The following SIDT1 variants were observed in gnomAD, a reference collection of about 807,000 sequenced individuals.
The protein encoded by SIDT1 is SID1 transmembrane family, member 1.
Under a neutral mutation model 107.5 loss-of-function variants are expected in SIDT1, and 101 were observed. The observed-to-expected ratio is 0.94, with a 90% CI of 0.80 to 1.11. The LOEUF (loss-of-function observed/expected upper bound fraction) is 1.11. Among genes scored for constraint, SIDT1 ranks in the 50% least tolerant of loss-of-function variants. The probability of loss-of-function intolerance (pLI) is 0.00; values close to 1 mark genes in which losing one functional copy is unlikely to be tolerated. For missense variants in SIDT1, 1,076 were observed against 1,058.2 expected (o/e 1.02, Z -0.23); for synonymous variants, 395 against 398.2 (o/e 0.99, Z 0.10).
chr3:113,622,400 G>T (rs553572995), intron 21 of SIDT1, among the ~76,000 whole-genome samples: 1 of 146,112 alleles, frequency 6.8e-6, no homozygotes, highest in East Asian at 2.1e-4. Context: ...AGGGGTGGAG[G>T]TTGCAGTGAG....
Position 113,628,011 on chromosome 3 carries a change from T to C in SIDT1, c.*303T>C, listed in dbSNP as rs1946964838. The C allele has an allele frequency of 2.6e-6, 1 of 380,980 alleles. No individual in the cohort carries two copies. Among genetic ancestry groups the C allele is most frequent in the Admixed American group, 4.2e-5 (1 of 23,778 alleles). 23.6% of individuals were successfully genotyped at this position (380,980 alleles called of 1,614,324 possible). ...ACTGCATCCAAGTCAACTCACCATC[T>C]TGGGGTCCCTCCCACCCTCACGGAG... On this transcript the variant is annotated 3_prime_UTR_variant, in exon 25 of 25. Transcript: ENST00000264852.
chr3:113,601,212 A>G (rs7625916), intron 10 of SIDT1: 33,320 of 163,858 alleles, frequency 0.2, 3,511 homozygotes, highest in Non-Finnish European at 0.21. Flanking sequence ...CTAAAAACCT[A>G]CAAAGCTGGC....
intron 6 of SIDT1, 102 bp from the exon 7 acceptor site, chr3:113,583,307 T>C: frequency 2.5e-6 from 2 of 785,884 alleles, no homozygotes; most frequent in East Asian, 5.2e-5. Flanking sequence ...GTGAACTTTA[T>C]TTTCCTTCTC....
chr3:113,584,665 T>A, intron 7 of SIDT1, 33 bp from the exon 8 acceptor site: 1 of 1,474,062 alleles, frequency 6.8e-7, no homozygotes, highest in Non-Finnish European at 9.3e-7. Context: ...TGATTCAATG[T>A]GCTTTGTTCT....
In SIDT1 at chr3:113,533,166, G is replaced by T. The variant is rs749636963; in HGVS notation, c.145G>T (p.Asp49Tyr). The T allele has an allele frequency of 1.1e-5, 17 of 1,578,710 alleles. No homozygotes were observed. Among genetic ancestry groups the T allele is most frequent in the Non-Finnish European group, 1.4e-5 (16 of 1,163,850 alleles). The change falls in exon 1 of 25, where the codon GAT (aspartate) becomes TAT (tyrosine). Residue 49 changes from aspartate (D) to tyrosine (Y), a missense_variant. By Grantham distance (160) the Asp-to-Tyr change is radical (BLOSUM62 -3). Coordinates refer to ENST00000264852, the MANE Select transcript of SIDT1 (RefSeq NM_017699.3). ...PFDAARGADF[D>Y]HVYSGVVNLS... ...CGACGCTGCCAGGGGCGCCGATTTC[G>T]ATCATGTCTACAGCGGGGTGGTGAA...
intron 10 of SIDT1, among the ~76,000 whole-genome samples, chr3:113,595,579 A>C (rs75361541): frequency 7.0e-5 from 9 of 128,850 alleles, no homozygotes; most frequent in Non-Finnish European, 1.3e-4. Flanking sequence ...ACCGTGTCTC[A>C]AAAAAAAAAA....
chr3:113,602,745 T>C (rs1239360453), intron 11 of SIDT1: 2 of 319,844 alleles, frequency 6.3e-6, no homozygotes, highest in African/African-American at 2.1e-5. Context: ...ATCCAAATAG[T>C]TAACAGAGCA....
chr3:113,578,637 C>T (rs1158195184), intron 4 of SIDT1, among the ~76,000 whole-genome samples: 1 of 151,814 alleles, frequency 6.6e-6, no homozygotes, highest in Non-Finnish European at 1.5e-5. Context: ...TGCTTGAGGC[C>T]AAGAGTTCAA....
chr3:113,625,925 G>T (rs945355001), intron 23 of SIDT1, 177 bp from the exon 24 acceptor site: 2 of 566,198 alleles, frequency 3.5e-6, no homozygotes, highest in Non-Finnish European at 6.3e-6. Context: ...TTTTTGCTTT[G>T]GTTGCCTGTG....
chr3:113,635,882 AAAAAG>A, the SIDT1 span, among the ~76,000 whole-genome samples: 10 of 152,100 alleles, frequency 6.6e-5, no homozygotes, highest in Admixed American at 1.3e-4. Flanking sequence ...TCAAAAAAAA[AAAAAG>A]AAAAGAAAAG....
the SIDT1 span, among the ~76,000 whole-genome samples, chr3:113,636,594 A>G: frequency 8.5e-5 from 13 of 152,144 alleles, no homozygotes; most frequent in Non-Finnish European, 1.5e-4. Context: ...GTGATTAAGC[A>G]GTGTAAGAAA....
At chr3:113,636,769 C>T in the SIDT1 span, among the ~76,000 whole-genome samples, 1 of 152,206 alleles carries the variant, frequency 6.6e-6, no homozygotes, top group Admixed American at 6.5e-5. Flanking sequence ...TAAGCATCAT[C>T]TCCTTAATTT....
chr3:113,612,360 C>A lies in SIDT1; in HGVS notation c.1966+166C>A, dbSNP rs779623698. The stretch of plus-strand genomic sequence containing the variant: ...CATATTCGCTCCAAGAGCTTCCTCT[C>A]CCTTATAGGATAGTGATAAGCTATT... On this transcript the variant is annotated intron_variant, in intron 19 of 24. Coordinates refer to ENST00000264852, the MANE Select transcript of SIDT1 (RefSeq NM_017699.3). 12 of 681,770 alleles carry A rather than the reference C, an allele frequency of 1.8e-5. No individual in the cohort carries two copies. The South Asian group carries it at 1.8e-4, about 10-fold the overall frequency. 42.2% of individuals were successfully genotyped at this position (681,770 alleles called of 1,614,324 possible).
chr3:113,549,320 A>G (rs1017658981), intron 1 of SIDT1, among the ~76,000 whole-genome samples: 3 of 152,158 alleles, frequency 2.0e-5, no homozygotes, highest in Admixed American at 1.3e-4. Context: ...GCTTTGTAAG[A>G]AAGTGTCAAA....
intron 19 of SIDT1, among the ~76,000 whole-genome samples, chr3:113,613,017 G>A (rs1391489777): frequency 1.3e-5 from 2 of 151,958 alleles, no homozygotes; most frequent in Non-Finnish European, 2.9e-5. Flanking sequence ...AGAAGGGAGG[G>A]AGGGAAAAAT....
intron 1 of SIDT1, among the ~76,000 whole-genome samples, chr3:113,543,121 A>G (rs1939133153): frequency 6.6e-6 from 1 of 151,916 alleles, no homozygotes; most frequent in Admixed American, 6.6e-5. Context: ...TTGTATTTTT[A>G]GGAGAGACAG....
chr3:113,632,591 C>T (rs866270906), downstream of SIDT1: 1 of 152,168 alleles, frequency 6.6e-6, no homozygotes, highest in African/African-American at 2.4e-5. Context: ...CATCTCTGTT[C>T]ACTTACATAG....
Position 113,584,728 on chromosome 3 carries a change from G to GT in SIDT1, c.866_867insT (p.Asn292GlufsTer3). The GT allele has an allele frequency of 6.3e-7, 1 of 1,599,482 alleles. No individual in the cohort carries two copies. The highest frequency in any genetic ancestry group is 1.1e-5 in the South Asian group (1 of 87,416). On this transcript the variant is annotated frameshift_variant, in exon 8 of 25. Transcript: ENST00000264852. LOFTEE classifies it high-confidence loss of function. Reference sequence around the variant, plus strand: ...GAAAACCAGACCTGGAATCTACAGCGAAAAAAGAACCTTGAAGTGACCATT... The same window carrying GT: ...GAAAACCAGACCTGGAATCTACAGCGTAAAAAAGAACCTTGAAGTGACCATT...
chr3:113,591,785 C>T (rs998517435), intron 9 of SIDT1, among the ~76,000 whole-genome samples: 2 of 152,204 alleles, frequency 1.3e-5, no homozygotes, highest in Non-Finnish European at 2.9e-5. Context: ...CAATTCCACT[C>T]CTAGCTATAT....
Sources: allele counts gnomAD v4.1 joint callset (sites outside exome capture counted in the v4.1 genomes callset), GRCh38; gene constraint gnomAD v4.1.1; transcripts MANE v1.5; gene names NCBI Gene and HGNC (gene_info 2026-07-23, HGNC 2026-07-21).